Variants in ATRN observed in about 807,000 individuals in gnomAD.
ATRN encodes the protein attractin-2.
Under a neutral mutation model 178.7 loss-of-function variants are expected in ATRN, and 54 were observed. The ratio of observed to expected loss-of-function variants is 0.30; its 90% CI spans 0.24 to 0.38. ATRN has a LOEUF of 0.38. Among genes scored for constraint, ATRN ranks in the 10% least tolerant of loss-of-function variants. The probability of loss-of-function intolerance (pLI) is 1.00; values close to 1 mark genes in which losing one functional copy is unlikely to be tolerated. For synonymous variants in ATRN, 636 were observed against 663.0 expected, an observed-to-expected ratio of 0.96 and a Z score of 0.63; for missense variants, 1,443 against 1,815.1, an observed-to-expected ratio of 0.79 and a Z score of 3.73.
At chr20:3,497,353 C>T (rs896096649) in intron 1 of ATRN, among the ~76,000 whole-genome samples, 1 of 151,482 alleles carries the variant, frequency 6.6e-6, no homozygotes, top group Admixed American at 6.6e-5. Context: ...TTAGGGCAGG[C>T]CTGGTGGTGA....
At chr20:3,622,110 G>T (rs1485352747) in intron 24 of ATRN, among the ~76,000 whole-genome samples, 2 of 152,154 alleles carry the variant, frequency 1.3e-5, no homozygotes, top group African/African-American at 4.8e-5. Flanking sequence ...AAGAGATGGG[G>T]GTGTGGCTTC....
chr20:3,591,213 T>G lies in ATRN; in HGVS notation c.3229T>G (p.Cys1077Gly), dbSNP rs2086437453. 1 of 1,614,222 alleles carries G rather than the reference T, an allele frequency of 6.2e-7. No individual in the cohort carries two copies. Reference protein sequence around the residue: ...GHSKCINQSICEKCENLTTGK... With the variant: ...GHSKCINQSIGEKCENLTTGK... ...CAGTAAATGCATCAATCAGAGCATCTGTGAGAAGTGTGAGAACCTGACCAC... is the reference window on the plus strand; with the variant it reads ...CAGTAAATGCATCAATCAGAGCATCGGTGAGAAGTGTGAGAACCTGACCAC... Residue 1077 changes from cysteine to glycine, a missense_variant, in exon 19 of 29, where the codon TGT becomes GGT. Around this residue, in one of 4 missense-constraint regions of ATRN, gnomAD observed 80 missense variants for 71.5 expected, o/e 1.12. Transcript: ENST00000262919.
chr20:3,594,032 G>A (rs896884200), intron 19 of ATRN, among the ~76,000 whole-genome samples: 5 of 152,116 alleles, frequency 3.3e-5, no homozygotes, highest in African/African-American at 9.7e-5. Flanking sequence ...TGTGACCATC[G>A]TGGAGAAGGC....
chr20:3,485,610 G>GTTTTTTTTTTTTTT lies in ATRN; in HGVS notation c.410+14109_410+14122dup, dbSNP rs3084238. Among the ~76,000 whole-genome samples, 60 of 67,916 alleles carry GTTTTTTTTTTTTTT rather than the reference G, an allele frequency of 8.8e-4. 3 individuals carry two copies. The highest frequency in any genetic ancestry group is 9.7e-4 in the Non-Finnish European group (34 of 35,142). The allele number at this position is 67,916 out of a possible 152,430, so 44.6% of individuals were successfully genotyped here. ...TGGTTTGCCAATACATTTTTTTGAGGTTTTTTTTTTTTTTTTTTTTTTTTT... is the reference window on the plus strand; with the variant it reads ...TGGTTTGCCAATACATTTTTTTGAGGTTTTTTTTTTTTTTTTTTTTTTTTTTTTTTTTTTTTTTT... On this transcript the variant is annotated intron_variant, in intron 1 of 28. Transcript: ENST00000262919.
chr20:3,600,604 C>T (rs1482915211), intron 22 of ATRN, among the ~76,000 whole-genome samples: 1 of 152,038 alleles, frequency 6.6e-6, no homozygotes, highest in African/African-American at 2.4e-5. Flanking sequence ...AACAGCTGCC[C>T]AGAGAATCCT....
intron 8 of ATRN, among the ~76,000 whole-genome samples, chr20:3,561,134 C>G (rs1299968825): frequency 6.6e-6 from 1 of 151,982 alleles, no homozygotes; most frequent in Non-Finnish European, 1.5e-5. Flanking sequence ...CAGCCTGGCA[C>G]CAACATGGTG....
chr20:3,615,385 C>A (rs1600159610), intron 24 of ATRN, among the ~76,000 whole-genome samples: 1 of 148,806 alleles, frequency 6.7e-6, no homozygotes, highest in Non-Finnish European at 1.5e-5. Flanking sequence ...GCCAAGATTG[C>A]ACCACTGTAC....
At chr20:3,530,020 A>G (rs961593219) in intron 1 of ATRN, among the ~76,000 whole-genome samples, 1 of 151,824 alleles carries the variant, frequency 6.6e-6, no homozygotes, top group East Asian at 1.9e-4. Flanking sequence ...GATACAGGAA[A>G]ATAACCAAAA....
rs1294891361 is a variant in ATRN, at chr20:3,645,099, C to T, written c.4165+831C>T. Among the ~76,000 whole-genome samples, 3 of 152,136 alleles carry T rather than the reference C, an allele frequency of 2.0e-5. No individual in the cohort carries two copies. On this transcript the variant is annotated intron_variant, in intron 28 of 28. Coordinates refer to ENST00000262919, the MANE Select transcript of ATRN (RefSeq NM_139321.3). The surrounding 1 kb of genome is among the most constrained non-coding windows in gnomAD (Gnocchi z 4.7). ...AAGTATCTCGCTTAATTACAGAGTG[C>T]TTTGGAGGATGCCTCAATGTGATCA...
intron 1 of ATRN, among the ~76,000 whole-genome samples, chr20:3,493,146 GTGTA>G (rs1248000492): frequency 2.2e-5 from 3 of 137,798 alleles, no homozygotes; most frequent in African/African-American, 8.1e-5. Flanking sequence ...GTGTGTGTGT[GTGTA>G]TAATTAAAAA....
rs555367904 is a variant in ATRN at position 3,632,969 on chromosome 20, A to G, written c.3864-1342A>G. Among the ~76,000 whole-genome samples, 3 of 152,316 alleles carry G rather than the reference A, an allele frequency of 2.0e-5. No homozygotes were observed. The South Asian group carries it at 6.2e-4, about 32-fold the overall frequency. ...ACGTGGTGAAACCTCGTCTCCACTA[A>G]AAATACAAAAATTAGCTGGGTGTGA... On this transcript the variant is annotated intron_variant, in intron 25 of 28. Transcript: ENST00000262919. The surrounding 1 kb of genome is among the most constrained non-coding windows in gnomAD (Gnocchi z 4.2).
intron 2 of ATRN, among the ~76,000 whole-genome samples, chr20:3,535,565 A>G (rs550375250): frequency 1.3e-5 from 2 of 151,254 alleles, no homozygotes; most frequent in South Asian, 4.2e-4. Context: ...GTGTATTTCC[A>G]ACTGTAATAG....
chr20:3,501,098 C>G (rs559221194), intron 1 of ATRN, among the ~76,000 whole-genome samples: 1 of 151,990 alleles, frequency 6.6e-6, no homozygotes, highest in Non-Finnish European at 1.5e-5. Flanking sequence ...TTTTAGTAAT[C>G]GTATAACTGG....
intron 25 of ATRN, among the ~76,000 whole-genome samples, chr20:3,627,918 A>C (rs1390304092): frequency 6.6e-6 from 1 of 152,216 alleles, no homozygotes; most frequent in Non-Finnish European, 1.5e-5. Context: ...CACGCCTGTA[A>C]TCCCAGCACT....
chr20:3,483,130 C>T (rs1401610442), intron 1 of ATRN, among the ~76,000 whole-genome samples: 1 of 152,076 alleles, frequency 6.6e-6, no homozygotes, highest in Non-Finnish European at 1.5e-5. Flanking sequence ...ACAGAGAGTA[C>T]AGAGAGATAT....
At chr20:3,492,862 C>T (rs747494913) in intron 1 of ATRN, among the ~76,000 whole-genome samples, 10 of 123,282 alleles carry the variant, frequency 8.1e-5, no homozygotes, top group South Asian at 4.5e-4. Context: ...GAGGCGCGCG[C>T]GCGCGTGCGC....
intron 11 of ATRN, among the ~76,000 whole-genome samples, chr20:3,565,857 T>G (rs2086028462): frequency 6.6e-6 from 1 of 151,254 alleles, no homozygotes; most frequent in Admixed American, 6.6e-5. Context: ...AACATATTAT[T>G]CACAAGATTC....
At chr20:3,583,794 G>C (rs1369639816) in intron 16 of ATRN, 104 bp from the exon 17 acceptor site, 3 of 1,198,260 alleles carry the variant, frequency 2.5e-6, no homozygotes, top group Non-Finnish European at 3.5e-6. Flanking sequence ...GAGACAGAGT[G>C]AGACTCCGTC....
At chr20:3,543,097 G>A (rs1281620226) in intron 3 of ATRN, among the ~76,000 whole-genome samples, 1 of 152,112 alleles carries the variant, frequency 6.6e-6, no homozygotes, top group African/African-American at 2.4e-5. Flanking sequence ...TCTTCTAAGA[G>A]GCCTTCCTTT....
Sources: allele counts gnomAD v4.1 joint callset (sites outside exome capture counted in the v4.1 genomes callset), GRCh38; gene constraint gnomAD v4.1.1; regional missense constraint gnomAD v4.1.1; non-coding constraint Gnocchi (gnomAD v3.1); transcripts MANE v1.5; gene names NCBI Gene and HGNC (gene_info 2026-07-23, HGNC 2026-07-21).